The following LIPC variants were observed in gnomAD, a reference collection of about 807,000 sequenced individuals.
LIPC encodes the protein hepatic triacylglycerol lipase.
In LIPC, 44 loss-of-function variants were observed where a neutral mutation model predicts 50.7. The observed-to-expected ratio is 0.87, with a 90% CI of 0.68 to 1.11. The LOEUF (loss-of-function observed/expected upper bound fraction) is 1.11, where lower values mean the gene tolerates loss of function less well. Among genes scored for constraint, LIPC ranks in the 50% most tolerant of loss-of-function variants. The pLI is 0.00. For synonymous variants in LIPC, 271 were observed against 256.4 expected (o/e 1.06, Z -0.54); for missense variants, 697 against 648.2 (o/e 1.08, Z -0.82).
intron 8 of LIPC, chr15:58,566,476 A>T: frequency 1.0e-6 from 1 of 984,644 alleles, no homozygotes; most frequent in Non-Finnish European, 1.2e-6. Flanking sequence ...GACTAATAAC[A>T]ACTACTAATT....
chr15:58,557,379 C>CTTT (rs386383140), intron 6 of LIPC, among the ~76,000 whole-genome samples: 1,811 of 75,502 alleles, frequency 0.024, 403 homozygotes, highest in African/African-American at 0.069. Flanking sequence ...ATTATATGCT[C>CTTT]TTTTTTTTTT....
intron 1 of LIPC, among the ~76,000 whole-genome samples, chr15:58,524,889 T>C (rs532216414): frequency 6.6e-6 from 1 of 152,198 alleles, no homozygotes; most frequent in Non-Finnish European, 1.5e-5. Flanking sequence ...ATGGTCTTTT[T>C]TTAATTTAGT....
At chr15:58,531,688 G>A (rs531995816) in intron 1 of LIPC, among the ~76,000 whole-genome samples, 23 of 145,004 alleles carry the variant, frequency 1.6e-4, no homozygotes, top group African/African-American at 4.6e-4. Context: ...CTTCCATCCC[G>A]TATCTCATTT....
Position 58,489,231 on chromosome 15 carries a change from C to T in LIPC, c.89-49102C>T, listed in dbSNP as rs778969717. Among the ~76,000 whole-genome samples, 12 of 71,320 alleles carry T rather than the reference C, an allele frequency of 1.7e-4. 3 individuals carry two copies. Among genetic ancestry groups the T allele is most frequent in the Admixed American group, 3.3e-4 (2 of 6,146 alleles). 46.8% of individuals were successfully genotyped at this position (71,320 alleles called of 152,430 possible). A position where few individuals can be genotyped will look rare whatever the true frequency, so the allele number is the denominator to read the frequency against. On this transcript the variant is annotated intron_variant, in intron 1 of 8. Transcript: ENST00000299022. ...TCATTTTGTTGCGGGGGCGGGGGGGCGGCTTACAAGCTTCCCAGGGTTCAG... is the reference window on the plus strand; with the variant it reads ...TCATTTTGTTGCGGGGGCGGGGGGGTGGCTTACAAGCTTCCCAGGGTTCAG...
At chr15:58,503,629 G>A (rs1343836575) in intron 1 of LIPC, among the ~76,000 whole-genome samples, 1 of 152,218 alleles carries the variant, frequency 6.6e-6, no homozygotes, top group African/African-American at 2.4e-5. Flanking sequence ...CTCACTCCAG[G>A]GAATGTGAAG....
At position 58,516,237 on chromosome 15, in the gene LIPC, CTTTTTTTT is replaced by C. The variant is rs11351202; in HGVS notation, c.89-22078_89-22071del. Among the ~76,000 whole-genome samples, 26 of 45,138 alleles carry C rather than the reference CTTTTTTTT, an allele frequency of 5.8e-4. 1 individual carries two copies. Among genetic ancestry groups the C allele is most frequent in the African/African-American group, 2.0e-3 (25 of 12,264 alleles). The allele number at this position is 45,138 out of a possible 152,430, so 29.6% of individuals were successfully genotyped here. A position where few individuals can be genotyped will look rare whatever the true frequency, so the allele number is the denominator to read the frequency against. ...CAGTTTGACTTTTTACCTCTAGCTT[CTTTTTTTT>C]TTTTTTTTTTTTTTTTTGGTCACTG... On this transcript the variant is annotated intron_variant, in intron 1 of 8. Transcript: ENST00000299022.
chr15:58,555,336 G>A (rs919361900), intron 6 of LIPC, among the ~76,000 whole-genome samples: 22 of 152,296 alleles, frequency 1.4e-4, no homozygotes, highest in African/African-American at 5.3e-4. Flanking sequence ...GATAGCCCAG[G>A]ATGGATGTCA....
intron 6 of LIPC, among the ~76,000 whole-genome samples, chr15:58,550,236 G>C (rs533682164): frequency 6.6e-6 from 1 of 152,106 alleles, no homozygotes; most frequent in Non-Finnish European, 1.5e-5. Flanking sequence ...GAAGGGTGGG[G>C]GAATTGCTTT....
At chr15:58,438,740 C>T (rs1280872150) in intron 1 of LIPC, among the ~76,000 whole-genome samples, 1 of 152,224 alleles carries the variant, frequency 6.6e-6, no homozygotes, top group Non-Finnish European at 1.5e-5. Context: ...CACAAAGTAG[C>T]GCAGTGACAT....
At chr15:58,464,385 C>T (rs139721013) in intron 1 of LIPC, among the ~76,000 whole-genome samples, 24 of 152,344 alleles carry the variant, frequency 1.6e-4, no homozygotes, top group African/African-American at 4.8e-4. Context: ...AAAGCCCAAC[C>T]TGCTTTCCCA....
chr15:58,555,442 T>G (rs1893906812), intron 6 of LIPC, among the ~76,000 whole-genome samples: 2 of 152,144 alleles, frequency 1.3e-5, no homozygotes, highest in African/African-American at 4.8e-5. Context: ...CCATTTGCTT[T>G]CAAGGGACAG....
At chr15:58,492,814 T>C (rs1354435777) in intron 1 of LIPC, among the ~76,000 whole-genome samples, 1 of 152,202 alleles carries the variant, frequency 6.6e-6, no homozygotes, top group Non-Finnish European at 1.5e-5. Flanking sequence ...TGGAAATCCA[T>C]AAACAGGTGC....
intron 5 of LIPC, among the ~76,000 whole-genome samples, chr15:58,547,939 A>T (rs965566167): frequency 1.1e-4 from 16 of 152,140 alleles, no homozygotes; most frequent in African/African-American, 3.9e-4. Context: ...AGGCATCAGC[A>T]CCTGGGCATT....
intron 8 of LIPC, chr15:58,564,152 A>ATC (rs60807082): frequency 6.9e-3 from 1,109 of 160,646 alleles, no homozygotes; most frequent in South Asian, 0.031. Flanking sequence ...ATCTCGATGT[A>ATC]TCTCTCTCTC....
At chr15:58,490,796 G>C (rs201436311) in intron 1 of LIPC, among the ~76,000 whole-genome samples, 1 of 152,172 alleles carries the variant, frequency 6.6e-6, no homozygotes, top group Non-Finnish European at 1.5e-5. Context: ...CTACCTGGTC[G>C]CTTCCGGCTC....
chr15:58,462,851 A>AC (rs1365760770), intron 1 of LIPC, among the ~76,000 whole-genome samples: 1 of 152,166 alleles, frequency 6.6e-6, no homozygotes, highest in Non-Finnish European at 1.5e-5. Context: ...CCTTTCCAAG[A>AC]CCAGCTGAGC....
intron 1 of LIPC, among the ~76,000 whole-genome samples, chr15:58,474,407 C>A (rs1475398625): frequency 6.6e-6 from 1 of 151,338 alleles, no homozygotes; most frequent in African/African-American, 2.4e-5. Context: ...GTCCCACTTA[C>A]TTACTTGGGA....
At chr15:58,492,202 C>CAA (rs1371318807) in intron 1 of LIPC, among the ~76,000 whole-genome samples, 1 of 152,174 alleles carries the variant, frequency 6.6e-6, no homozygotes, top group Non-Finnish European at 1.5e-5. Flanking sequence ...AGCAGATCCT[C>CAA]AACTTGGCCT....
intron 6 of LIPC, among the ~76,000 whole-genome samples, chr15:58,554,282 A>G (rs985842762): frequency 5.9e-5 from 9 of 152,272 alleles, no homozygotes; most frequent in Middle Eastern, 3.4e-3. Flanking sequence ...TTCCCTGATC[A>G]CATTCGAGGT....
Sources: gnomAD v4.1 joint callset for allele counts (sites outside exome capture counted in the v4.1 genomes callset) on GRCh38, gnomAD v4.1.1 for gene constraint, MANE v1.5 for transcripts, NCBI Gene and HGNC (gene_info 2026-07-23, HGNC 2026-07-21) for gene names.